The following PCDH7 variants were observed in gnomAD, a reference collection of about 807,000 sequenced individuals.
PCDH7 encodes the protein protocadherin-7.
PCDH7 carries 17 observed loss-of-function variants against 58.9 expected under a neutral mutation model. The observed-to-expected ratio is 0.29, with a 90% confidence interval of 0.20 to 0.43. The LOEUF is 0.43. Among genes scored for constraint, PCDH7 ranks in the 20% least tolerant of loss-of-function variants. The pLI is 1.00. For missense variants in PCDH7, 1,274 were observed against 1,441.0 expected, an observed-to-expected ratio of 0.88 and a Z score of 1.88; for synonymous variants, 664 against 616.4, an observed-to-expected ratio of 1.08 and a Z score of -1.14.
chr4:30,925,753 T>G (rs1479127099), intron 2 of PCDH7: 3 of 152,200 alleles, frequency 2.0e-5, no homozygotes, highest in African/African-American at 2.4e-5. Context: ...TAGTAATATA[T>G]AGAGAGATGG....
At chr4:31,126,379 C>T (rs533631953) in intron 3 of PCDH7, among the ~76,000 whole-genome samples, 8 of 152,122 alleles carry the variant, frequency 5.3e-5, no homozygotes, top group African/African-American at 1.7e-4. Context: ...AGGCTGGTCT[C>T]GAACTCCTGG....
At chr4:30,855,684 A>C (rs1313626875) in intron 1 of PCDH7, among the ~76,000 whole-genome samples, 2 of 152,178 alleles carry the variant, frequency 1.3e-5, no homozygotes, top group African/African-American at 4.8e-5. Flanking sequence ...TTATGTTGGT[A>C]AACTTAGTAA....
chr4:31,118,313 A>G (rs1378565891), intron 3 of PCDH7, among the ~76,000 whole-genome samples: 2 of 152,192 alleles, frequency 1.3e-5, no homozygotes, highest in Non-Finnish European at 2.9e-5. Context: ...AATTGATATC[A>G]GCGACTGGGA....
intron 3 of PCDH7, among the ~76,000 whole-genome samples, chr4:30,970,155 A>C (rs1358149941): frequency 6.6e-6 from 1 of 152,228 alleles, no homozygotes; most frequent in Non-Finnish European, 1.5e-5. Flanking sequence ...TATTAATAAC[A>C]GTTCTGAAAT....
At chr4:31,085,386 T>C (rs1362986485) in intron 3 of PCDH7, among the ~76,000 whole-genome samples, 4 of 152,088 alleles carry the variant, frequency 2.6e-5, no homozygotes, top group African/African-American at 9.7e-5. Context: ...AGCCATAATA[T>C]CTCATCTTGT....
At chr4:31,001,547 A>C (rs1752366937) in intron 3 of PCDH7, among the ~76,000 whole-genome samples, 1 of 152,100 alleles carries the variant, frequency 6.6e-6, no homozygotes, top group South Asian at 2.1e-4. Flanking sequence ...CATCATACCC[A>C]CACACACACG....
chr4:30,727,957 A>G (rs1249689575), intron 1 of PCDH7, among the ~76,000 whole-genome samples: 2 of 151,958 alleles, frequency 1.3e-5, no homozygotes, highest in Non-Finnish European at 3.0e-5. Context: ...TGTATTTAGT[A>G]AATGGAAAGT....
chr4:30,721,484 T>C lies in PCDH7; in HGVS notation c.62T>C (p.Leu21Pro). 1 of 1,591,146 alleles carries C rather than the reference T, an allele frequency of 6.3e-7. No homozygotes were observed. Among genetic ancestry groups the C allele is most frequent in the Non-Finnish European group, 8.5e-7 (1 of 1,174,138 alleles). Residue 21 changes from leucine to proline, a missense_variant, in exon 1 of 2, where the codon CTG becomes CCG. Physicochemically the swap from Leu to Pro is moderately conservative, Grantham distance 98 (BLOSUM62 -3). Coordinates refer to ENST00000361762, the Ensembl canonical transcript of PCDH7. The surrounding 1 kb of genome is among the most constrained non-coding windows in gnomAD (Gnocchi z 6.7). ...TGGTGCTTGGGCTGCTGCCTCCTCC[T>C]GCCGCTCTCGCTCAGCCTGGCGGCC...
chr4:31,134,482 A>G (rs28571701), intron 3 of PCDH7, among the ~76,000 whole-genome samples: 19,437 of 152,076 alleles, frequency 0.13, 2,478 homozygotes, highest in East Asian at 0.48. Context: ...CAAACAAACA[A>G]AAAAGAAGTA....
chr4:30,912,913 T>G (rs566766089), intron 1 of PCDH7, among the ~76,000 whole-genome samples: 1 of 152,262 alleles, frequency 6.6e-6, no homozygotes, highest in South Asian at 2.1e-4. Flanking sequence ...GCACTTATTT[T>G]TAATACGTCC....
At chr4:30,769,348 G>T (rs567761776) in intron 1 of PCDH7, among the ~76,000 whole-genome samples, 1 of 152,174 alleles carries the variant, frequency 6.6e-6, no homozygotes, top group African/African-American at 2.4e-5. Flanking sequence ...CTGTCACTCC[G>T]CATGGTTTCC....
At chr4:31,115,727 A>G (rs1716911232) in intron 3 of PCDH7, among the ~76,000 whole-genome samples, 1 of 152,228 alleles carries the variant, frequency 6.6e-6, no homozygotes, top group Admixed American at 6.5e-5. Flanking sequence ...ATAGTCATGG[A>G]TAGGAGGAAG....
At chr4:30,962,864 G>A (rs192398369) in intron 3 of PCDH7, among the ~76,000 whole-genome samples, 156 of 149,760 alleles carry the variant, frequency 1.0e-3, no homozygotes, top group African/African-American at 3.7e-3. Context: ...TAAGAGCCTT[G>A]ACTTAATATT....
chr4:30,751,180 C>A (rs1718472579), intron 1 of PCDH7, among the ~76,000 whole-genome samples: 1 of 152,194 alleles, frequency 6.6e-6, no homozygotes, highest in East Asian at 1.9e-4. Flanking sequence ...CTACTTCCAA[C>A]TTCTATAACC....
At chr4:30,894,204 C>T (rs1738989424) in intron 1 of PCDH7, among the ~76,000 whole-genome samples, 1 of 151,914 alleles carries the variant, frequency 6.6e-6, no homozygotes, top group Non-Finnish European at 1.5e-5. Context: ...ACAGCTTAGG[C>T]AGGCTTTGAA....
At chr4:30,768,104 T>C (rs957722056) in intron 1 of PCDH7, among the ~76,000 whole-genome samples, 9 of 152,328 alleles carry the variant, frequency 5.9e-5, no homozygotes, top group African/African-American at 1.9e-4. Context: ...AATTTACTTT[T>C]TTAGATAAAA....
At chr4:30,908,243 T>TAAAAAAAAAAAAAAAAA (rs5857211) in intron 1 of PCDH7, among the ~76,000 whole-genome samples, 1 of 140,970 alleles carries the variant, frequency 7.1e-6, no homozygotes, top group African/African-American at 2.6e-5. Context: ...TAAAGAATAA[T>TAAAAAAAAAAAAAAAAA]AAAAAAAAAA....
intron 3 of PCDH7, among the ~76,000 whole-genome samples, chr4:31,074,514 G>A (rs765802897): frequency 3.0e-4 from 45 of 151,936 alleles, no homozygotes; most frequent in Non-Finnish European, 5.4e-4. Context: ...TTGGCCAGAC[G>A]ACACAGTGGC....
At chr4:31,078,417 G>C (rs528878151) in intron 3 of PCDH7, among the ~76,000 whole-genome samples, 2 of 152,072 alleles carry the variant, frequency 1.3e-5, no homozygotes, top group African/African-American at 4.8e-5. Flanking sequence ...CAAGTAGCCA[G>C]GGCTACAGGC....
Sources: gnomAD v4.1 joint callset for allele counts (sites outside exome capture counted in the v4.1 genomes callset) on GRCh38, gnomAD v4.1.1 for gene constraint, Gnocchi (gnomAD v3.1) non-coding constraint, MANE v1.5 for transcripts, NCBI Gene and HGNC (gene_info 2026-07-23, HGNC 2026-07-21) for gene names.